Variants in BBX observed in about 807,000 individuals in gnomAD.
BBX encodes BBX high mobility group box domain containing.
Under a neutral mutation model 100.2 loss-of-function variants are expected in BBX, and 30 were observed. The ratio of observed to expected loss-of-function variants is 0.30; its 90% confidence interval spans 0.22 to 0.41. The LOEUF (loss-of-function observed/expected upper bound fraction) is 0.41. Among genes scored for constraint, BBX ranks in the 10% least tolerant of loss-of-function variants. The pLI is 1.00. For missense variants in BBX, 1,023 were observed against 1,129.8 expected, an observed-to-expected ratio of 0.91 and a Z score of 1.35; for synonymous variants, 376 against 388.1, an observed-to-expected ratio of 0.97 and a Z score of 0.37.
In BBX at chr3:107,809,086, T is replaced by C. The variant is rs552385018; in HGVS notation, c.*3629T>C. Reference sequence around the variant, plus strand: ...ACTGTAAGTCAGATAAAATTTTGTTTGCACTCTGCAGTCTTTGGCTCAATG... The same window carrying C: ...ACTGTAAGTCAGATAAAATTTTGTTCGCACTCTGCAGTCTTTGGCTCAATG... On this transcript the variant is annotated 3_prime_UTR_variant, in exon 18 of 18. Transcript: ENST00000325805. The C allele has an allele frequency of 6.6e-6, 1 of 152,348 alleles. No individual in the cohort carries two copies. Among genetic ancestry groups the C allele is most frequent in the South Asian group, 2.1e-4 (1 of 4,824 alleles). The allele number at this position is 152,348 out of a possible 1,614,324, so 9.4% of individuals were successfully genotyped here.
chr3:107,738,340 G>A lies in BBX; in HGVS notation c.669+5317G>A, dbSNP rs2063805945. Among the ~76,000 whole-genome samples, 3 of 152,194 alleles carry A rather than the reference G, an allele frequency of 2.0e-5. No individual in the cohort carries two copies. The South Asian group carries it at 6.2e-4, about 32-fold the overall frequency. ...AGAAGACTAAGAAACTTGGGATCAA[G>A]AACAATGACAAGATTTAAACTGCAG... On this transcript the variant is annotated intron_variant, in intron 7 of 17. Coordinates refer to ENST00000325805, the MANE Select transcript of BBX (RefSeq NM_001142568.3).
chr3:107,701,960 A>C lies in BBX; in HGVS notation c.-9-8492A>C, dbSNP rs148175409. ...GTCACATTTATCCCTGCTCACCATC[A>C]TCAGTAGGAGTTGAGAAACAGAATT... On this transcript the variant is annotated intron_variant, in intron 3 of 17. Coordinates refer to ENST00000325805, the MANE Select transcript of BBX (RefSeq NM_001142568.3). Among the ~76,000 whole-genome samples, 633 of 152,286 alleles carry C rather than the reference A, an allele frequency of 4.2e-3. 12 individuals carry two copies. Among genetic ancestry groups the C allele is most frequent in the East Asian group, 0.023 (120 of 5,180 alleles).
intron 10 of BBX, among the ~76,000 whole-genome samples, chr3:107,757,799 TAA>T: frequency 6.6e-6 from 1 of 152,214 alleles, no homozygotes; most frequent in African/African-American, 2.4e-5. Context: ...CATTTTAAGA[TAA>T]ATAAATATAA....
intron 10 of BBX, among the ~76,000 whole-genome samples, chr3:107,766,414 A>C (rs1400971064): frequency 6.6e-6 from 1 of 152,224 alleles, no homozygotes; most frequent in Non-Finnish European, 1.5e-5. Flanking sequence ...AACAAATCTT[A>C]AGACTATTTT....
chr3:107,595,060 G>C (rs1480170361), intron 2 of BBX, among the ~76,000 whole-genome samples: 1 of 152,198 alleles, frequency 6.6e-6, no homozygotes, highest in African/African-American at 2.4e-5. Context: ...CCTTGCGGCA[G>C]AGTCTGTGTT....
At chr3:107,559,875 G>C (rs2050352965) in intron 2 of BBX, among the ~76,000 whole-genome samples, 1 of 152,080 alleles carries the variant, frequency 6.6e-6, no homozygotes, top group African/African-American at 2.4e-5. Flanking sequence ...CTCCCAAGTA[G>C]CTGGGACCAC....
At chr3:107,546,336 G>C (rs1420254133) in intron 2 of BBX, among the ~76,000 whole-genome samples, 7 of 152,042 alleles carry the variant, frequency 4.6e-5, no homozygotes, top group Admixed American at 4.6e-4. Context: ...ATAAATCTAG[G>C]AAATTTTAGT....
At chr3:107,571,866 A>C (rs1353057926) in intron 2 of BBX, among the ~76,000 whole-genome samples, 1 of 152,172 alleles carries the variant, frequency 6.6e-6, no homozygotes, top group African/African-American at 2.4e-5. Context: ...GTTCCTGTGC[A>C]TGTGTATATG....
chr3:107,753,576 G>T (rs1007001151), intron 9 of BBX, among the ~76,000 whole-genome samples: 4 of 152,160 alleles, frequency 2.6e-5, no homozygotes, highest in African/African-American at 9.7e-5. Context: ...AACTCTAAAG[G>T]CAGGTAGTGC....
chr3:107,729,833 T>G (rs1011173760), intron 6 of BBX, among the ~76,000 whole-genome samples: 17 of 152,330 alleles, frequency 1.1e-4, no homozygotes, highest in African/African-American at 4.1e-4. Flanking sequence ...ACTTTTTTTT[T>G]GAATAACCAA....
intron 2 of BBX, among the ~76,000 whole-genome samples, chr3:107,542,321 A>C (rs183884782): frequency 2.6e-5 from 4 of 152,220 alleles, no homozygotes; most frequent in Non-Finnish European, 5.9e-5. Context: ...GTTTATTTCT[A>C]TAGATTGTCA....
chr3:107,704,870 A>G (rs1378617778), intron 3 of BBX, among the ~76,000 whole-genome samples: 3 of 152,148 alleles, frequency 2.0e-5, no homozygotes, highest in African/African-American at 7.2e-5. Flanking sequence ...AGAGTGATGG[A>G]CTTTGACTTA....
chr3:107,706,498 G>A (rs567437531), intron 3 of BBX, among the ~76,000 whole-genome samples: 1 of 152,040 alleles, frequency 6.6e-6, no homozygotes, highest in Admixed American at 6.6e-5. Flanking sequence ...TTTTGGTAGG[G>A]GGCTTTATAT....
chr3:107,528,489 A>G (rs1436938863), intron 2 of BBX, among the ~76,000 whole-genome samples: 1 of 152,204 alleles, frequency 6.6e-6, no homozygotes, highest in Non-Finnish European at 1.5e-5. Flanking sequence ...CATTAAGAAA[A>G]TGTATCTTGA....
At chr3:107,771,608 C>T (rs2066914551) in intron 10 of BBX, among the ~76,000 whole-genome samples, 1 of 152,092 alleles carries the variant, frequency 6.6e-6, no homozygotes, top group Admixed American at 6.6e-5. Flanking sequence ...CTATTTAAGA[C>T]TATAAAGTTT....
intron 2 of BBX, among the ~76,000 whole-genome samples, chr3:107,568,652 T>C (rs2051116644): frequency 1.3e-5 from 2 of 152,334 alleles, no homozygotes; most frequent in South Asian, 4.1e-4. Flanking sequence ...CTGTCCTCTA[T>C]GTCTCCTAAC....
intron 3 of BBX, chr3:107,674,670 A>C (rs2107940971): frequency 6.5e-6 from 1 of 152,766 alleles, no homozygotes; most frequent in African/African-American, 2.4e-5. Flanking sequence ...AGGCTCCCAC[A>C]GCAGTTTGTA....
chr3:107,716,801 T>A lies in BBX; in HGVS notation c.357T>A (p.Ala119=). 1 of 1,613,710 alleles carries A rather than the reference T, an allele frequency of 6.2e-7. No homozygotes were observed. The highest frequency in any genetic ancestry group is 1.1e-5 in the South Asian group (1 of 91,074). The change falls in exon 5 of 18, where the codon GCT becomes GCA. Residue 119 remains alanine, a synonymous_variant. Coordinates refer to ENST00000325805, the MANE Select transcript of BBX (RefSeq NM_001142568.3). ...CCAAGATACTAGCTGATTGGTGGGCTGTTCTTGATCCAAAGGAAAAGCAGA... is the reference window on the plus strand; with the variant it reads ...CCAAGATACTAGCTGATTGGTGGGCAGTTCTTGATCCAAAGGAAAAGCAGA... ...GATKILADWW[A]VLDPKEKQKY... is the part of the protein sequence containing the mutation.
chr3:107,534,866 A>G (rs1175197209), intron 2 of BBX, among the ~76,000 whole-genome samples: 1 of 152,358 alleles, frequency 6.6e-6, no homozygotes, highest in South Asian at 2.1e-4. Flanking sequence ...ATGACTACAC[A>G]GTTTCATTTA....
Sources: allele counts gnomAD v4.1 joint callset (sites outside exome capture counted in the v4.1 genomes callset), GRCh38; gene constraint gnomAD v4.1.1; transcripts MANE v1.5; gene names NCBI Gene and HGNC (gene_info 2026-07-23, HGNC 2026-07-21).